Variants in ATP10B observed in about 807,000 individuals in gnomAD.
ATP10B encodes the protein phospholipid-transporting ATPase VB.
In ATP10B, 122 loss-of-function variants were observed where a neutral mutation model predicts 141.2. The ratio of observed to expected loss-of-function variants is 0.86; its 90% confidence interval spans 0.75 to 1.00. ATP10B has a LOEUF of 1.00. Ranked by LOEUF, ATP10B falls within the 50% of genes least tolerant of loss-of-function variation. The pLI is 0.00. For synonymous variants in ATP10B, 685 were observed against 692.0 expected (o/e 0.99, Z 0.16); for missense variants, 1,876 against 1,825.3 (o/e 1.03, Z -0.51).
At chr5:160,881,114 A>G in the ATP10B span, among the ~76,000 whole-genome samples, 331 of 152,374 alleles carry the variant, frequency 2.2e-3, 1 homozygote, top group African/African-American at 7.6e-3. Flanking sequence ...GCCATTTAAC[A>G]AATGGACAAA....
chr5:160,774,225 C>T (rs1770112842), intron 2 of ATP10B, among the ~76,000 whole-genome samples: 1 of 152,156 alleles, frequency 6.6e-6, no homozygotes. Flanking sequence ...AACTGGAGGT[C>T]CCGGCAACTT....
intron 7 of ATP10B, among the ~76,000 whole-genome samples, chr5:160,663,824 A>C (rs2421532): frequency 0.89 from 135,304 of 152,064 alleles, 60,535 homozygotes; most frequent in African/African-American, 0.97. Flanking sequence ...GCAAACAAAC[A>C]AACCAAAGAA....
intron 2 of ATP10B, among the ~76,000 whole-genome samples, chr5:160,762,918 TATATC>T (rs150135911): frequency 0.11 from 16,235 of 151,194 alleles, 1,060 homozygotes; most frequent in Admixed American, 0.21. Flanking sequence ...TAGCTATTCT[TATATC>T]AGATAAAACA....
chr5:160,923,526 C>A, the ATP10B span, among the ~76,000 whole-genome samples: 5 of 152,184 alleles, frequency 3.3e-5, no homozygotes, highest in Non-Finnish European at 5.9e-5. Context: ...GTGTGCAGAG[C>A]TGACCAAAAT....
chr5:160,709,033 C>T (rs933739116), intron 3 of ATP10B, among the ~76,000 whole-genome samples: 2 of 152,058 alleles, frequency 1.3e-5, no homozygotes, highest in Non-Finnish European at 2.9e-5. Context: ...ACAGACAGAC[C>T]CCTTGGAAAA....
the ATP10B span, among the ~76,000 whole-genome samples, chr5:160,876,608 G>A: frequency 6.6e-6 from 1 of 151,472 alleles, no homozygotes; most frequent in Non-Finnish European, 1.5e-5. Flanking sequence ...CTGGTTTTTT[G>A]AAAGGATCAA....
At chr5:160,783,909 T>G (rs1224125440) in intron 2 of ATP10B, among the ~76,000 whole-genome samples, 2 of 152,058 alleles carry the variant, frequency 1.3e-5, no homozygotes, top group African/African-American at 4.8e-5. Flanking sequence ...GTTTTTTCAT[T>G]TTTTGATTAT....
chr5:160,856,515 C>A (rs967312717), upstream of ATP10B, among the ~76,000 whole-genome samples: 1 of 151,670 alleles, frequency 6.6e-6, no homozygotes, highest in Non-Finnish European at 1.5e-5. Context: ...TGCCTTATTG[C>A]ACTCACTGAA....
intron 2 of ATP10B, among the ~76,000 whole-genome samples, chr5:160,755,567 G>A (rs1349178612): frequency 6.6e-6 from 1 of 150,668 alleles, no homozygotes; most frequent in Non-Finnish European, 1.5e-5. Flanking sequence ...TGTAATCCCA[G>A]CACTTTGGGA....
At chr5:160,748,902 C>T (rs1767975461) in intron 2 of ATP10B, among the ~76,000 whole-genome samples, 2 of 152,306 alleles carry the variant, frequency 1.3e-5, no homozygotes, top group South Asian at 4.1e-4. Flanking sequence ...TGAGTGCCTA[C>T]TCTGGGCTAG....
chr5:160,631,660 A>G (rs1758947852), intron 13 of ATP10B, among the ~76,000 whole-genome samples: 1 of 152,244 alleles, frequency 6.6e-6, no homozygotes. Flanking sequence ...ACATAAGCAT[A>G]ACAAATATTT....
In ATP10B at chr5:160,686,153, C is replaced by A. The variant is rs1484576287; in HGVS notation, c.396G>T (p.Lys132Asn). The A allele has an allele frequency of 4.3e-6, 7 of 1,612,922 alleles. 1 individual carries two copies. In the African/African-American group the frequency reaches 9.3e-5, roughly 22 times the overall value. ...LAIVLFVIMI[K>N]DGMEDFKRHR... ...GTCTCTTGAAGTCCTCCATGCCATC[C>A]TTGATCATGATGACGAACAGGACAA... is the stretch of plus-strand genomic sequence containing the variant. Residue 132 changes from lysine (K) to asparagine (N), a missense_variant, in exon 6 of 26, where the codon AAG becomes AAT. Lys to Asn is a moderately conservative substitution (Grantham distance 94, BLOSUM62 0). Transcript: ENST00000327245.
At chr5:160,693,524 G>T (rs1438340520) in intron 3 of ATP10B, among the ~76,000 whole-genome samples, 1 of 151,826 alleles carries the variant, frequency 6.6e-6, no homozygotes, top group African/African-American at 2.4e-5. Flanking sequence ...AGAAACGCAG[G>T]AGTTAGCTAG....
chr5:160,802,531 A>T (rs1358376514), intron 1 of ATP10B, among the ~76,000 whole-genome samples: 1 of 152,300 alleles, frequency 6.6e-6, no homozygotes, highest in South Asian at 2.1e-4. Context: ...AATGCACAGA[A>T]CATTTCCCAC....
intron 6 of ATP10B, among the ~76,000 whole-genome samples, chr5:160,671,734 T>G (rs548154735): frequency 6.6e-6 from 1 of 152,318 alleles, no homozygotes; most frequent in Admixed American, 6.5e-5. Flanking sequence ...AACATTTCAT[T>G]TACTTTGCAT....
chr5:160,575,552 C>T (rs558958005), intron 24 of ATP10B, among the ~76,000 whole-genome samples: 1 of 152,108 alleles, frequency 6.6e-6, no homozygotes, highest in African/African-American at 2.4e-5. Flanking sequence ...CCTCTTTGAG[C>T]CTCAATTTCC....
intron 2 of ATP10B, among the ~76,000 whole-genome samples, chr5:160,742,868 AT>A (rs1259933798): frequency 1.3e-5 from 2 of 152,128 alleles, no homozygotes; most frequent in Non-Finnish European, 2.9e-5. Flanking sequence ...ATAAGTTTTA[AT>A]TGCTTTTTGA....
chr5:160,755,573 T>C (rs962768014), intron 2 of ATP10B, among the ~76,000 whole-genome samples: 1 of 150,592 alleles, frequency 6.6e-6, no homozygotes, highest in Admixed American at 6.6e-5. Flanking sequence ...CCCAGCACTT[T>C]GGGAGGCCGA....
intron 3 of ATP10B, among the ~76,000 whole-genome samples, chr5:160,708,411 A>G (rs1765149850): frequency 6.6e-6 from 1 of 152,056 alleles, no homozygotes; most frequent in African/African-American, 2.4e-5. Flanking sequence ...ATTAATTTCA[A>G]TTTTCTCAAT....
Sources: gnomAD v4.1 joint callset for allele counts (sites outside exome capture counted in the v4.1 genomes callset) on GRCh38, gnomAD v4.1.1 for gene constraint, MANE v1.5 for transcripts, NCBI Gene and HGNC (gene_info 2026-07-23, HGNC 2026-07-21) for gene names.